Variants in EYS observed in about 807,000 individuals in gnomAD.
EYS encodes EGF-like photoreceptor maintenance factor, also known as protein eyes shut homolog.
EYS carries 250 observed loss-of-function variants against 282.1 expected under a neutral mutation model. The ratio of observed to expected loss-of-function variants is 0.89; its 90% CI spans 0.80 to 0.98. EYS has a LOEUF of 0.98. EYS is among the 50% of genes least tolerant of loss of function. The probability of loss-of-function intolerance (pLI) is 0.00; values close to 1 mark genes in which losing one functional copy is unlikely to be tolerated. For synonymous variants in EYS, 1,355 were observed against 1,282.9 expected, an observed-to-expected ratio of 1.06 and a Z score of -1.20; for missense variants, 4,016 against 3,709.0, an observed-to-expected ratio of 1.08 and a Z score of -2.15.
At chr6:64,985,591 A>C (rs7756831) in intron 14 of EYS, among the ~76,000 whole-genome samples, 40,105 of 151,406 alleles carry the variant, frequency 0.26, 6,602 homozygotes, top group African/African-American at 0.46. Flanking sequence ...ACAAAAAGAT[A>C]AGAATAACAG....
intron 13 of EYS, among the ~76,000 whole-genome samples, chr6:65,051,338 T>C (rs987997773): frequency 1.3e-5 from 2 of 151,574 alleles, no homozygotes; most frequent in Admixed American, 6.6e-5. Context: ...GCAGGTTTCA[T>C]TTTATGAATT....
chr6:63,928,524 C>CTG (rs6149619), intron 35 of EYS, among the ~76,000 whole-genome samples: 41 of 149,514 alleles, frequency 2.7e-4, no homozygotes, highest in African/African-American at 8.0e-4. Context: ...CACCTTTTGA[C>CTG]TGTGTGTGTG....
chr6:63,795,246 T>C (rs1397819098), intron 37 of EYS, among the ~76,000 whole-genome samples: 1 of 152,204 alleles, frequency 6.6e-6, no homozygotes, highest in Non-Finnish European at 1.5e-5. Context: ...GATGAGATGC[T>C]GTGGTCAGAA....
chr6:64,608,078 C>T (rs1766991289), intron 24 of EYS, among the ~76,000 whole-genome samples: 1 of 152,114 alleles, frequency 6.6e-6, no homozygotes, highest in Admixed American at 6.6e-5. Flanking sequence ...TTGTAGAAAA[C>T]AATGCATTAT....
intron 2 of EYS, among the ~76,000 whole-genome samples, chr6:65,580,408 C>T (rs1009938022): frequency 2.0e-5 from 3 of 152,014 alleles, no homozygotes; most frequent in Non-Finnish European, 4.4e-5. Context: ...CTAGTAACTA[C>T]TAGCCTGAAA....
At chr6:64,319,148 C>T (rs577344374) in intron 29 of EYS, among the ~76,000 whole-genome samples, 1 of 151,846 alleles carries the variant, frequency 6.6e-6, no homozygotes, top group African/African-American at 2.4e-5. Context: ...TGATTTAGCC[C>T]AATTTAAGTG....
intron 16 of EYS, among the ~76,000 whole-genome samples, chr6:64,910,006 A>G (rs962232486): frequency 6.6e-4 from 101 of 152,176 alleles, no homozygotes; most frequent in African/African-American, 2.4e-3. Flanking sequence ...CTACAGACTG[A>G]CTAAAAACTG....
At chr6:63,979,503 G>A (rs767098473) in intron 35 of EYS, among the ~76,000 whole-genome samples, 3 of 151,880 alleles carry the variant, frequency 2.0e-5, no homozygotes, top group Non-Finnish European at 4.4e-5. Context: ...TTTGAAATTA[G>A]TGTCTCAATA....
At position 64,642,056 on chromosome 6, in the gene EYS, A is replaced by G. The variant is rs1768176595; in HGVS notation, c.3444-15811T>C. Among the ~76,000 whole-genome samples, 4 of 152,282 alleles carry G rather than the reference A, an allele frequency of 2.6e-5. No homozygotes were observed. In the South Asian group the frequency reaches 8.3e-4, roughly 32 times the overall value. ...TCCACAAAAAGAACAATGTAGTTAGACTGGAAATAACATGAAGACAGAAAG... is the reference window on the plus strand; with the variant it reads ...TCCACAAAAAGAACAATGTAGTTAGGCTGGAAATAACATGAAGACAGAAAG... On this transcript the variant is annotated intron_variant, in intron 22 of 42. Coordinates refer to ENST00000503581, the MANE Select transcript of EYS (RefSeq NM_001142800.2).
chr6:64,450,622 G>C (rs1044692045), intron 26 of EYS, among the ~76,000 whole-genome samples: 3 of 152,074 alleles, frequency 2.0e-5, no homozygotes, highest in Non-Finnish European at 4.4e-5. Flanking sequence ...GCACCCCTCA[G>C]CAAATGTAAA....
intron 31 of EYS, among the ~76,000 whole-genome samples, chr6:64,199,323 G>A (rs1033495191): frequency 3.3e-5 from 5 of 152,120 alleles, no homozygotes; most frequent in African/African-American, 1.2e-4. Flanking sequence ...ATAAGAACAA[G>A]CAATGGGGAG....
intron 29 of EYS, among the ~76,000 whole-genome samples, chr6:64,329,631 T>C (rs647759): frequency 0.72 from 108,991 of 151,978 alleles, 39,298 homozygotes; most frequent in African/African-American, 0.79. Flanking sequence ...TTACCCAGTG[T>C]GAATCTGTCA....
chr6:65,060,788 A>G (rs933264632), intron 12 of EYS, among the ~76,000 whole-genome samples: 9 of 148,570 alleles, frequency 6.1e-5, no homozygotes, highest in African/African-American at 2.2e-4. Flanking sequence ...ATGTGTATAT[A>G]TATATATATA....
intron 41 of EYS, among the ~76,000 whole-genome samples, chr6:63,757,630 C>A (rs1046298288): frequency 4.6e-5 from 7 of 152,084 alleles, no homozygotes; most frequent in African/African-American, 1.7e-4. Flanking sequence ...CACACACCTA[C>A]CAATATGTGA....
At chr6:64,832,385 A>T (rs1390482219) in intron 19 of EYS, among the ~76,000 whole-genome samples, 2 of 151,656 alleles carry the variant, frequency 1.3e-5, no homozygotes, top group African/African-American at 4.9e-5. Flanking sequence ...TGTATGAGGT[A>T]TCTAGTCACC....
chr6:64,163,191 A>C (rs1328313083), intron 31 of EYS, among the ~76,000 whole-genome samples: 2 of 152,160 alleles, frequency 1.3e-5, no homozygotes, highest in Non-Finnish European at 2.9e-5. Flanking sequence ...AGCAGAGAGA[A>C]AAAACCTTGC....
rs540819260 is a variant in EYS, at chr6:65,595,539, C to T, written c.-333+44239G>A. Among the ~76,000 whole-genome samples, 13 of 151,820 alleles carry T rather than the reference C, an allele frequency of 8.6e-5. 1 individual carries two copies. Among genetic ancestry groups the T allele is most frequent in the African/African-American group, 3.1e-4 (13 of 41,432 alleles). ...CCTCCACAAGCTTCACTTTCCTTAT[C>T]TGTAAATTCAGATAATGGTACTTAC... On this transcript the variant is annotated intron_variant, in intron 2 of 42. Transcript: ENST00000503581.
At chr6:64,329,426 G>A (rs974163741) in intron 29 of EYS, among the ~76,000 whole-genome samples, 11 of 152,020 alleles carry the variant, frequency 7.2e-5, no homozygotes, top group Admixed American at 3.9e-4. Flanking sequence ...TCATAATGAC[G>A]CTTACTGTCC....
chr6:63,795,543 G>A (rs1770625143), intron 37 of EYS, among the ~76,000 whole-genome samples: 1 of 152,142 alleles, frequency 6.6e-6, no homozygotes, highest in Admixed American at 6.6e-5. Context: ...AACCTTGGGA[G>A]CAAATATGAA....
Sources: gnomAD v4.1 joint callset for allele counts (sites outside exome capture counted in the v4.1 genomes callset) on GRCh38, gnomAD v4.1.1 for gene constraint, MANE v1.5 for transcripts, NCBI Gene and HGNC (gene_info 2026-07-23, HGNC 2026-07-21) for gene names.